The following WDR33 variants were observed in gnomAD, a reference collection of about 807,000 sequenced individuals.
WDR33 encodes pre-mRNA 3' end processing protein WDR33.
Under a neutral mutation model 164.9 loss-of-function variants are expected in WDR33, and 47 were observed. That is an observed-to-expected ratio of 0.29 (90% CI 0.23 to 0.36). The LOEUF is 0.36. Among genes scored for constraint, WDR33 ranks in the 10% least tolerant of loss-of-function variants. The pLI is 1.00. For missense variants in WDR33, 1,137 were observed against 1,754.1 expected (o/e 0.65, Z 6.28); for synonymous variants, 505 against 589.0 (o/e 0.86, Z 2.06).
chr2:127,785,533 T>C (rs1688532341), intron 1 of WDR33, among the ~76,000 whole-genome samples: 1 of 152,256 alleles, frequency 6.6e-6, no homozygotes, highest in South Asian at 2.1e-4. Context: ...TCCACAGTTT[T>C]GCCCTTTCCA....
chr2:127,701,498 G>A lies in WDR33; in HGVS notation c.*4825C>T. On this transcript the variant is annotated 3_prime_UTR_variant, in exon 22 of 22. Coordinates refer to ENST00000322313, the MANE Select transcript of WDR33 (RefSeq NM_018383.5). ...AGCGGAGGGCCGGAAGTGAGCCGCA[G>A]CTTTTCCTTTCTGCCACCGCCTTGT... is the stretch of plus-strand genomic sequence containing the variant. The A allele has an allele frequency of 7.8e-7, 1 of 1,278,214 alleles. No homozygotes were observed. Among genetic ancestry groups the A allele is most frequent in the Non-Finnish European group, 9.9e-7 (1 of 1,009,460 alleles). 79.2% of individuals were successfully genotyped at this position (1,278,214 alleles called of 1,614,324 possible).
intron 7 of WDR33, among the ~76,000 whole-genome samples, chr2:127,748,632 G>A (rs1275938699): frequency 1.3e-5 from 2 of 152,120 alleles, no homozygotes; most frequent in African/African-American, 4.8e-5. Flanking sequence ...CATTTCAATT[G>A]GCGGCAGCAC....
At chr2:127,801,520 A>G (rs1196865685) in intron 1 of WDR33, among the ~76,000 whole-genome samples, 1 of 99,800 alleles carries the variant, frequency 1.0e-5, no homozygotes, top group East Asian at 2.1e-4. Context: ...AAAAACACAC[A>G]ACAAAAAAAA....
intron 7 of WDR33, among the ~76,000 whole-genome samples, chr2:127,743,794 C>T (rs114053670): frequency 0.018 from 2,791 of 152,168 alleles, 40 homozygotes; most frequent in Non-Finnish European, 0.029. Flanking sequence ...ATGACAAAAA[C>T]GAGGAGGTAG....
At chr2:127,800,777 A>T (rs1573483539) in intron 1 of WDR33, among the ~76,000 whole-genome samples, 1 of 152,326 alleles carries the variant, frequency 6.6e-6, no homozygotes, top group South Asian at 2.1e-4. Context: ...TTTAATTTAA[A>T]TCTATTCCTG....
intron 1 of WDR33, among the ~76,000 whole-genome samples, chr2:127,771,981 G>A (rs1688018675): frequency 6.6e-6 from 1 of 152,092 alleles, no homozygotes; most frequent in Non-Finnish European, 1.5e-5. Context: ...AGGATCACTG[G>A]GAATTGTTCA....
At position 127,722,033 on chromosome 2, in the gene WDR33, T is replaced by C. The variant is rs1686454108; in HGVS notation, c.1519-45A>G. On this transcript the variant is annotated intron_variant, in intron 14 of 21. Transcript: ENST00000322313. This position sits in a 1 kb window ranked among gnomAD's most constrained non-coding sequence, Gnocchi z 5.1. ...TTAAAATGTACGCTAAGTATGAAAA[T>C]TACAATGATAGAATGAGAAAACCAC... 1 of 1,591,720 alleles carries C rather than the reference T, an allele frequency of 6.3e-7. No homozygotes were observed. The highest frequency in any genetic ancestry group is 8.5e-7 in the Non-Finnish European group (1 of 1,172,920).
intron 1 of WDR33, among the ~76,000 whole-genome samples, chr2:127,804,437 G>A (rs1281559037): frequency 3.3e-5 from 5 of 152,204 alleles, no homozygotes; most frequent in Admixed American, 2.0e-4. Context: ...CTATATAAAT[G>A]TTCAATGTCC....
Position 127,702,135 on chromosome 2 carries a change from C to A in WDR33, c.*4188G>T. On this transcript the variant is annotated 3_prime_UTR_variant, in exon 22 of 22. Coordinates refer to ENST00000322313, the MANE Select transcript of WDR33 (RefSeq NM_018383.5). ...CGCGCTGCGCCTCGCACTGGGTCGC[C>A]TGGGCCGCGGCGCCGGCCTCGCCAA... 1 of 1,216,274 alleles carries A rather than the reference C, an allele frequency of 8.2e-7. No homozygotes were observed. 75.3% of individuals were successfully genotyped at this position (1,216,274 alleles called of 1,614,324 possible).
intron 1 of WDR33, among the ~76,000 whole-genome samples, chr2:127,779,880 G>A (rs1688310931): frequency 6.6e-6 from 1 of 152,086 alleles, no homozygotes. Context: ...TTCCCAAACT[G>A]AGATAACAGA....
intron 1 of WDR33, among the ~76,000 whole-genome samples, chr2:127,786,354 T>G (rs1688571110): frequency 6.6e-6 from 1 of 152,248 alleles, no homozygotes; most frequent in Admixed American, 6.5e-5. Flanking sequence ...TTTCTCTTAT[T>G]TCCATATCCA....
intron 7 of WDR33, among the ~76,000 whole-genome samples, chr2:127,754,605 T>C (rs12995020): frequency 1.4e-5 from 2 of 141,738 alleles, no homozygotes; most frequent in Admixed American, 7.0e-5. Context: ...TTTTTTTTTG[T>C]AGAAACAGGG....
intron 18 of WDR33, among the ~76,000 whole-genome samples, chr2:127,711,766 A>ATTT (rs1309830917): frequency 4.1e-5 from 3 of 72,624 alleles, no homozygotes; most frequent in African/African-American, 3.8e-4. Context: ...ATATATATAT[A>ATTT]TATATATATA....
At chr2:127,737,990 T>C in intron 7 of WDR33, 1 of 1,611,288 alleles carries the variant, frequency 6.2e-7, no homozygotes, top group South Asian at 1.1e-5. Flanking sequence ...CTAAACTTTG[T>C]CCACCTACTG....
chr2:127,774,384 T>C (rs1573441022), intron 1 of WDR33, among the ~76,000 whole-genome samples: 1 of 152,074 alleles, frequency 6.6e-6, no homozygotes, highest in Middle Eastern at 3.4e-3. Flanking sequence ...GACTTCCAAA[T>C]CAAATACCTA....
Position 127,701,935 on chromosome 2 carries a change from TGCGCTGCGAAGAAGCGCCGTCCCGGCCC to T in WDR33, c.*4360_*4387del, listed in dbSNP as rs1685899365. The stretch of plus-strand genomic sequence containing the variant: ...GGCGGCGCGGCGTGCGGACGCCTGC[TGCGCTGCGAAGAAGCGCCGTCCCGGCCC>T]GCGCTGCTCTACATGGCAGCGCTGG... On this transcript the variant is annotated 3_prime_UTR_variant, in exon 22 of 22. Coordinates refer to ENST00000322313, the MANE Select transcript of WDR33 (RefSeq NM_018383.5). 2 of 1,425,162 alleles carry T rather than the reference TGCGCTGCGAAGAAGCGCCGTCCCGGCCC, an allele frequency of 1.4e-6. No individual in the cohort carries two copies. Among genetic ancestry groups the T allele is most frequent in the Non-Finnish European group, 9.1e-7 (1 of 1,096,634 alleles). The allele number at this position is 1,425,162 out of a possible 1,614,324, so 88.3% of individuals were successfully genotyped here. A position where few individuals can be genotyped will look rare whatever the true frequency, so the allele number is the denominator to read the frequency against.
chr2:127,777,030 G>A (rs1688207445), intron 1 of WDR33, among the ~76,000 whole-genome samples: 1 of 152,218 alleles, frequency 6.6e-6, no homozygotes. Flanking sequence ...GGGTGGAGAG[G>A]GAGGAGAGAC....
chr2:127,774,804 T>C (rs920203535), intron 1 of WDR33, among the ~76,000 whole-genome samples: 3 of 151,108 alleles, frequency 2.0e-5, no homozygotes, highest in African/African-American at 7.3e-5. Context: ...CACTCCAGCC[T>C]GGGCGACAGA....
rs1036530153 is a variant in WDR33, at chr2:127,719,295, T to C, written c.2730A>G (p.Leu910=). 2 of 1,459,694 alleles carry C rather than the reference T, an allele frequency of 1.4e-6. No homozygotes were observed. The highest frequency in any genetic ancestry group is 1.4e-5 in the African/African-American group (1 of 70,396). The allele number at this position is 1,459,694 out of a possible 1,614,324, so 90.4% of individuals were successfully genotyped here. ...IPFQQQKTPL[L]GDGPRAPFNQ... is the part of the protein sequence containing the mutation. ...TGAAGGGGGCCCGGGGCCCATCACC[T>C]AGCAGAGGCGTTTTCTGTTGCTGGA... is the stretch of plus-strand genomic sequence containing the variant. The change falls in exon 16 of 22, where the codon CTA becomes CTG. Residue 910 remains leucine (L), a synonymous_variant. Transcript: ENST00000322313. The surrounding 1 kb of genome is among the most constrained non-coding windows in gnomAD (Gnocchi z 6.5).
Sources: gnomAD v4.1 joint callset for allele counts (sites outside exome capture counted in the v4.1 genomes callset) on GRCh38, gnomAD v4.1.1 for gene constraint, Gnocchi (gnomAD v3.1) non-coding constraint, MANE v1.5 for transcripts, NCBI Gene and HGNC (gene_info 2026-07-23, HGNC 2026-07-21) for gene names.